The following DPF3 variants were observed in gnomAD, a reference collection of about 807,000 sequenced individuals.
DPF3 encodes the protein zinc finger protein DPF3.
A neutral mutation model predicts 56.8 loss-of-function variants in DPF3; 18 were observed. The observed-to-expected ratio is 0.32, with a 90% CI of 0.22 to 0.47. The LOEUF (loss-of-function observed/expected upper bound fraction) is 0.47, where lower values mean the gene tolerates loss of function less well. Among genes scored for constraint, DPF3 ranks in the 20% least tolerant of loss-of-function variants. DPF3 has a pLI of 1.00. For missense variants in DPF3, 403 were observed against 488.8 expected (o/e 0.82, Z 1.65); for synonymous variants, 188 against 180.2 (o/e 1.04, Z -0.35).
Position 72,610,628 on chromosome 14 carries a change from C to T in DPF3, c.*8669G>A, listed in dbSNP as rs1883664656. Among the ~76,000 whole-genome samples the T allele has an allele frequency of 6.6e-6, 1 of 152,196 alleles. No homozygotes were observed. ...AGGTCTAGTTCTGGCTTTTGTGAAT[C>T]GACCGTGTGACGTAGACAGCACAGC... On this transcript the variant is annotated 3_prime_UTR_variant, in exon 11 of 11. Coordinates refer to ENST00000556509, the MANE Select transcript of DPF3 (RefSeq NM_001280542.3).
chr14:72,883,469 G>A (rs1886394484), intron 1 of DPF3, among the ~76,000 whole-genome samples: 1 of 152,000 alleles, frequency 6.6e-6, no homozygotes, highest in South Asian at 2.1e-4. Context: ...CTCCAGCCTG[G>A]GTGAGAGTGA....
At chr14:72,740,977 G>C (rs1347476246) in intron 3 of DPF3, among the ~76,000 whole-genome samples, 2 of 152,182 alleles carry the variant, frequency 1.3e-5, no homozygotes, top group Non-Finnish European at 2.9e-5. Flanking sequence ...TGAGGCAGGA[G>C]GAGGATCACG....
In DPF3 at chr14:72,636,241, T is replaced by C. The variant is rs989397840; in HGVS notation, c.872-6505A>G. Among the ~76,000 whole-genome samples the C allele has an allele frequency of 1.7e-4, 26 of 152,252 alleles. 1 individual carries two copies. The highest frequency in any genetic ancestry group is 3.1e-4 in the Non-Finnish European group (21 of 68,050). On this transcript the variant is annotated intron_variant, in intron 8 of 10. Coordinates refer to ENST00000556509, the MANE Select transcript of DPF3 (RefSeq NM_001280542.3). ...TTTCAAATAGTTCTCTATATTCTCATACACATATAAAATTCCTGGTATTTA... is the reference window on the plus strand; with the variant it reads ...TTTCAAATAGTTCTCTATATTCTCACACACATATAAAATTCCTGGTATTTA...
At chr14:72,877,688 GACAA>G (rs2140120074) in intron 1 of DPF3, among the ~76,000 whole-genome samples, 1 of 152,274 alleles carries the variant, frequency 6.6e-6, no homozygotes, top group Non-Finnish European at 1.5e-5. Flanking sequence ...CCCCTGAGAT[GACAA>G]ACAATGTCCC....
At chr14:72,700,700 G>C (rs1312916862) in intron 6 of DPF3, among the ~76,000 whole-genome samples, 1 of 152,194 alleles carries the variant, frequency 6.6e-6, no homozygotes, top group Non-Finnish European at 1.5e-5. Flanking sequence ...TGAACTGCCT[G>C]GGTTCAAGTC....
chr14:72,854,315 T>G (rs961606888), intron 1 of DPF3, among the ~76,000 whole-genome samples: 1 of 152,106 alleles, frequency 6.6e-6, no homozygotes, highest in African/African-American at 2.4e-5. Context: ...GAGATCACAC[T>G]CTACTCTCTC....
intron 6 of DPF3, among the ~76,000 whole-genome samples, chr14:72,696,722 T>C (rs1474655390): frequency 6.6e-6 from 1 of 152,180 alleles, no homozygotes; most frequent in Non-Finnish European, 1.5e-5. Flanking sequence ...TAGAAAGTAA[T>C]AATGTTTAGA....
At chr14:72,716,875 CCT>C (rs1888953564) in intron 5 of DPF3, among the ~76,000 whole-genome samples, 1 of 152,130 alleles carries the variant, frequency 6.6e-6, no homozygotes, top group Non-Finnish European at 1.5e-5. Context: ...TCGACTGACC[CCT>C]GAGCTGTTCA....
intron 2 of DPF3, among the ~76,000 whole-genome samples, chr14:72,765,259 G>A (rs924022889): frequency 2.6e-5 from 4 of 152,154 alleles, no homozygotes; most frequent in African/African-American, 7.2e-5. Flanking sequence ...CCAAGTGTTG[G>A]CAAGGATACA....
Position 72,748,891 on chromosome 14 carries a change from T to C in DPF3, c.301+4373A>G, listed in dbSNP as rs138487875. Among the ~76,000 whole-genome samples, 809 of 152,356 alleles carry C rather than the reference T, an allele frequency of 5.3e-3. 9 individuals are homozygous for C. The highest frequency in any genetic ancestry group is 0.019 in the African/African-American group (778 of 41,574). ...ATTTCAGAAGATGTATGGAAATGCC[T>C]GGATACCCAGGCAGAAGTTTTCTGT... On this transcript the variant is annotated intron_variant, in intron 3 of 10. Coordinates refer to ENST00000556509, the MANE Select transcript of DPF3 (RefSeq NM_001280542.3).
At chr14:72,658,523 T>C (rs1167512657) in intron 8 of DPF3, among the ~76,000 whole-genome samples, 4 of 152,168 alleles carry the variant, frequency 2.6e-5, no homozygotes, top group Non-Finnish European at 4.4e-5. Context: ...AAGAATAAAC[T>C]GAATTTTTTA....
chr14:72,670,351 G>C, intron 8 of DPF3: 1 of 986,418 alleles, frequency 1.0e-6, no homozygotes, highest in Non-Finnish European at 1.2e-6. Flanking sequence ...CAAAACAGCA[G>C]CTCTACTGAC....
intron 8 of DPF3, among the ~76,000 whole-genome samples, chr14:72,633,685 C>T (rs142600771): frequency 3.3e-5 from 5 of 152,272 alleles, no homozygotes; most frequent in East Asian, 1.9e-4. Flanking sequence ...AATAATAACA[C>T]GCTTCAGTCA....
intron 4 of DPF3, among the ~76,000 whole-genome samples, chr14:72,724,381 G>T (rs8008009): frequency 6.6e-6 from 1 of 151,782 alleles, no homozygotes; most frequent in African/African-American, 2.4e-5. Flanking sequence ...AGGTGAATAC[G>T]CTGAGGCTGA....
intron 1 of DPF3, among the ~76,000 whole-genome samples, chr14:72,827,342 G>T (rs1883851899): frequency 6.6e-6 from 1 of 151,992 alleles, no homozygotes; most frequent in African/African-American, 2.4e-5. Flanking sequence ...CTCCAGGCAG[G>T]TCCATGCCAC....
chr14:72,624,848 A>G (rs536982815), intron 9 of DPF3, among the ~76,000 whole-genome samples: 10 of 152,330 alleles, frequency 6.6e-5, no homozygotes, highest in East Asian at 5.8e-4. Context: ...CCACATATGC[A>G]TACATTTTTT....
chr14:72,738,436 G>A (rs988209400), intron 3 of DPF3, among the ~76,000 whole-genome samples: 1 of 152,012 alleles, frequency 6.6e-6, no homozygotes, highest in African/African-American at 2.4e-5. Flanking sequence ...GACACGCCAG[G>A]ATGGGTTACG....
intron 7 of DPF3, among the ~76,000 whole-genome samples, chr14:72,689,385 A>G (rs528251462): frequency 6.6e-6 from 1 of 152,120 alleles, no homozygotes; most frequent in African/African-American, 2.4e-5. Context: ...AGGGGGAAAA[A>G]GTCAGCATTT....
At position 72,614,632 on chromosome 14, in the gene DPF3, C is replaced by T. The variant is rs1599301543; in HGVS notation, c.*4665G>A. 1.3e-5 allele frequency among the ~76,000 whole-genome samples: 2 copies of T among 152,210 alleles called. No homozygotes were observed. Among genetic ancestry groups the T allele is most frequent in the Non-Finnish European group, 2.9e-5 (2 of 68,018 alleles). ...AGCTGGGTGAGGGGCTTACTTTGCC[C>T]TCAGAAGCATCCCTGAAACCCCACA... On this transcript the variant is annotated 3_prime_UTR_variant, in exon 11 of 11. Coordinates refer to ENST00000556509, the MANE Select transcript of DPF3 (RefSeq NM_001280542.3).
Sources: allele counts gnomAD v4.1 joint callset (sites outside exome capture counted in the v4.1 genomes callset), GRCh38; gene constraint gnomAD v4.1.1; transcripts MANE v1.5; gene names NCBI Gene and HGNC (gene_info 2026-07-23, HGNC 2026-07-21).